Variants in PLAGL1 observed in about 807,000 individuals in gnomAD.
The protein encoded by PLAGL1 is zinc finger protein PLAGL1.
PLAGL1 carries 1 observed loss-of-function variant against 4.6 expected under a neutral mutation model. That is an observed-to-expected ratio of 0.22 (90% confidence interval 0.08 to 1.03). The LOEUF (loss-of-function observed/expected upper bound fraction) is 1.03. PLAGL1 is among the 50% of genes least tolerant of loss of function. The pLI is 0.58. For synonymous variants in PLAGL1, 240 were observed against 237.8 expected, an observed-to-expected ratio of 1.01 and a Z score of -0.08; for missense variants, 464 against 570.4, an observed-to-expected ratio of 0.81 and a Z score of 1.90.
chr6:143,986,991 C>T (rs759315936), intron 1 of PLAGL1, among the ~76,000 whole-genome samples: 2 of 152,054 alleles, frequency 1.3e-5, no homozygotes, highest in African/African-American at 2.4e-5. Flanking sequence ...AGTTCATCTT[C>T]CACAGGAAGA....
intron 1 of PLAGL1, among the ~76,000 whole-genome samples, chr6:144,030,198 T>C (rs1040036758): frequency 2.4e-5 from 3 of 124,756 alleles, no homozygotes; most frequent in African/African-American, 9.3e-5. Flanking sequence ...GAGCTTGCAG[T>C]GAGCCGAGAT....
intron 6 of PLAGL1, among the ~76,000 whole-genome samples, chr6:143,951,932 T>A (rs1259179024): frequency 1.3e-5 from 2 of 152,246 alleles, no homozygotes; most frequent in African/African-American, 4.8e-5. Context: ...GAGTCCTTAA[T>A]GAACTCAAAT....
Position 144,016,110 on chromosome 6 carries a change from G to GTATA in PLAGL1, c.-150-47136_-150-47133dup, listed in dbSNP as rs144572193. 5.3e-5 allele frequency among the ~76,000 whole-genome samples: 8 copies of GTATA among 150,888 alleles called. No individual in the cohort carries two copies. The highest frequency in any genetic ancestry group is 3.9e-4 in the East Asian group (2 of 5,152). Reference sequence around the variant, plus strand: ...GAACTAATAAGAGATATACATATGTGTATATATATATATACACACACATAT... The same window carrying GTATA: ...GAACTAATAAGAGATATACATATGTGTATATATATATATATATACACACACATAT... On this transcript the variant is annotated intron_variant, in intron 1 of 3. Coordinates refer to the PLAGL1 transcript ENST00000437412. The surrounding 1 kb of genome is among the most constrained non-coding windows in gnomAD (Gnocchi z 4.2).
At chr6:144,057,006 T>C (rs1562619783) in intron 1 of PLAGL1, among the ~76,000 whole-genome samples, 1 of 152,190 alleles carries the variant, frequency 6.6e-6, no homozygotes, top group African/African-American at 2.4e-5. Flanking sequence ...AGTTTGTTAA[T>C]CCATTCACCT....
chr6:143,977,715 G>A (rs999715383), intron 2 of PLAGL1, among the ~76,000 whole-genome samples: 12 of 152,044 alleles, frequency 7.9e-5, no homozygotes, highest in East Asian at 3.9e-4. Flanking sequence ...GGCCAGGCTG[G>A]TCTCGAACTC....
chr6:144,018,541 A>G (rs761442002), intron 1 of PLAGL1, among the ~76,000 whole-genome samples: 1 of 152,242 alleles, frequency 6.6e-6, no homozygotes, highest in East Asian at 1.9e-4. Flanking sequence ...ACCACAAAAA[A>G]TAAGTATGTG....
At chr6:143,974,112 G>A (rs909644968) in intron 2 of PLAGL1, among the ~76,000 whole-genome samples, 10 of 152,140 alleles carry the variant, frequency 6.6e-5, no homozygotes, top group African/African-American at 2.4e-4. Context: ...TACCTACACG[G>A]AACAAATATA....
rs1427174037 is a variant in PLAGL1, at chr6:143,978,399, T to C, written c.-544+6736A>G. Among the ~76,000 whole-genome samples the C allele has an allele frequency of 6.6e-6, 1 of 152,160 alleles. No individual in the cohort carries two copies. The highest frequency in any genetic ancestry group is 2.1e-4 in the South Asian group (1 of 4,830). ...CATTAAAATTAAAAATATTTAAACA[T>C]TTTTCTTGAGATTTTTCTTTGATCC... is the stretch of plus-strand genomic sequence containing the variant. On this transcript the variant is annotated intron_variant, in intron 2 of 7. Transcript: ENST00000674357. The surrounding 1 kb of genome is among the most constrained non-coding windows in gnomAD (Gnocchi z 4.6).
At chr6:144,038,105 A>G (rs1450914504) in intron 1 of PLAGL1, among the ~76,000 whole-genome samples, 2 of 152,250 alleles carry the variant, frequency 1.3e-5, no homozygotes, top group African/African-American at 4.8e-5. Context: ...ATTTGACAAA[A>G]TAATGGCTGA....
Position 143,989,585 on chromosome 6 carries a change from G to A in PLAGL1, c.-583-4411C>T, listed in dbSNP as rs1397739706. ...TCTGCTTCTCAGGCGTTCAGCCTTG[G>A]ACCAGAATCACACCACCAGCTTTCC... On this transcript the variant is annotated intron_variant, in intron 1 of 7. Coordinates refer to ENST00000674357, the MANE Select transcript of PLAGL1 (RefSeq NM_001317162.2). This position sits in a 1 kb window ranked among gnomAD's most constrained non-coding sequence, Gnocchi z 4.8. 6.6e-6 allele frequency among the ~76,000 whole-genome samples: 1 copy of A among 152,198 alleles called. No homozygotes were observed. The highest frequency in any genetic ancestry group is 1.5e-5 in the Non-Finnish European group (1 of 68,042).
rs1470054777 is a variant in PLAGL1, at chr6:143,942,085, A to G, written c.731T>C (p.Leu244Ser). Residue 244 changes from leucine (L) to serine (S), a missense_variant, in exon 8 of 8, where the codon TTA (leucine) becomes TCA (serine). Leu to Ser is a moderately radical substitution (Grantham distance 145). Around this residue, in one of 4 missense-constraint regions of PLAGL1, gnomAD observed 248 missense variants for 250.1 expected, o/e 0.99. Coordinates refer to ENST00000674357, the MANE Select transcript of PLAGL1 (RefSeq NM_001317162.2). The surrounding 1 kb of genome is among the most constrained non-coding windows in gnomAD (Gnocchi z 7.6). The part of the protein sequence containing the change: ...LKAAALPPFP[L>S]GASAQNGLAS... ...AAGCCCGTTCTGGGCAGAAGCTCCT[A>G]AAGGGAAAGGAGGCAAGGCAGCAGC... The G allele has an allele frequency of 1.9e-6, 3 of 1,613,972 alleles. No homozygotes were observed. The Admixed American group carries it at 5.0e-5, about 27-fold the overall frequency.
intron 1 of PLAGL1, among the ~76,000 whole-genome samples, chr6:144,025,080 G>A (rs1404117666): frequency 1.3e-5 from 2 of 152,130 alleles, no homozygotes; most frequent in Non-Finnish European, 2.9e-5. Flanking sequence ...GGAGAAACCA[G>A]ACAAACATCA....
Position 143,941,586 on chromosome 6 carries a change from A to G in PLAGL1, c.1230T>C (p.Ser410=). 6.2e-7 allele frequency: 1 copy of G among 1,607,808 alleles called. No individual in the cohort carries two copies. Among genetic ancestry groups the G allele is most frequent in the Non-Finnish European group, 8.5e-7 (1 of 1,176,240 alleles). Residue 410 remains serine (S), a synonymous_variant, in exon 8 of 8, where the codon TCT becomes TCC. Coordinates refer to ENST00000674357, the MANE Select transcript of PLAGL1 (RefSeq NM_001317162.2). This position sits in a 1 kb window ranked among gnomAD's most constrained non-coding sequence, Gnocchi z 6.0. ...NSTLALGPGE[S]LPHRLSCLGQ... ...CCAGACAGCTTAACCTGTGGGGCAA[A>G]GATTCCCCAGGCCCCAGGGCAAGAG...
At chr6:143,986,922 C>G (rs1045450682) in intron 1 of PLAGL1, among the ~76,000 whole-genome samples, 1 of 152,046 alleles carries the variant, frequency 6.6e-6, no homozygotes, top group East Asian at 1.9e-4. Context: ...GCATTATTAG[C>G]ATGGTTTGGT....
At position 144,000,809 on chromosome 6, in the gene PLAGL1, C is replaced by G. The variant is rs969954783; in HGVS notation, c.-584+7281G>C. On this transcript the variant is annotated intron_variant, in intron 1 of 7. Coordinates refer to ENST00000674357, the MANE Select transcript of PLAGL1 (RefSeq NM_001317162.2). The surrounding 1 kb of genome is among the most constrained non-coding windows in gnomAD (Gnocchi z 4.1). The stretch of plus-strand genomic sequence containing the variant: ...GAGAGCTAGACATTCTAAAACAAAC[C>G]TTTTAATACTTGCAAAGTTCTAAGA... Among the ~76,000 whole-genome samples, 2 of 152,086 alleles carry G rather than the reference C, an allele frequency of 1.3e-5. No individual in the cohort carries two copies. Among genetic ancestry groups the G allele is most frequent in the Admixed American group, 1.3e-4 (2 of 15,270 alleles).
chr6:144,058,408 T>A (rs1562621073), intron 1 of PLAGL1, among the ~76,000 whole-genome samples: 1 of 152,124 alleles, frequency 6.6e-6, no homozygotes, highest in Non-Finnish European at 1.5e-5. Flanking sequence ...AACATGAGAT[T>A]TGGAGGGACG....
At chr6:143,956,017 T>C (rs894879261) in intron 6 of PLAGL1, among the ~76,000 whole-genome samples, 6 of 152,216 alleles carry the variant, frequency 3.9e-5, no homozygotes, top group Non-Finnish European at 7.3e-5. Flanking sequence ...TGGTGCCTAA[T>C]GGGCATTCGG....
At chr6:143,988,343 G>A (rs1789668951) in intron 1 of PLAGL1, among the ~76,000 whole-genome samples, 1 of 152,170 alleles carries the variant, frequency 6.6e-6, no homozygotes, top group Non-Finnish European at 1.5e-5. Context: ...GTATAACTTA[G>A]TTTACAAATA....
Position 143,947,680 on chromosome 6 carries a change from G to A in PLAGL1, c.152+305C>T, listed in dbSNP as rs376783089. Among the ~76,000 whole-genome samples, 13 of 152,324 alleles carry A rather than the reference G, an allele frequency of 8.5e-5. No individual in the cohort carries two copies. Among genetic ancestry groups the A allele is most frequent in the African/African-American group, 3.1e-4 (13 of 41,578 alleles). On this transcript the variant is annotated intron_variant, in intron 7 of 7. Transcript: ENST00000674357. The surrounding 1 kb of genome is among the most constrained non-coding windows in gnomAD (Gnocchi z 4.3). ...CAGTGAAGAACAACTTCTACCACCT[G>A]TATAGCTCTGTCAAAGCAGTGAGGT...
Sources: allele counts gnomAD v4.1 joint callset (sites outside exome capture counted in the v4.1 genomes callset), GRCh38; gene constraint gnomAD v4.1.1; regional missense constraint gnomAD v4.1.1; non-coding constraint Gnocchi (gnomAD v3.1); transcripts MANE v1.5; gene names NCBI Gene and HGNC (gene_info 2026-07-23, HGNC 2026-07-21).